Variants in GAN observed in about 807,000 individuals in gnomAD.
GAN encodes the protein epididymis secretory sperm binding protein.
In GAN, 48 loss-of-function variants were observed where a neutral mutation model predicts 71.3. The ratio of observed to expected loss-of-function variants is 0.67; its 90% CI spans 0.53 to 0.86. The LOEUF (loss-of-function observed/expected upper bound fraction) is 0.86. Ranked by LOEUF, GAN falls within the 40% of genes least tolerant of loss-of-function variation. The pLI is 0.00. For synonymous variants in GAN, 386 were observed against 276.8 expected, an observed-to-expected ratio of 1.39 and a Z score of -3.92; for missense variants, 928 against 770.1, an observed-to-expected ratio of 1.21 and a Z score of -2.43.
At chr16:81,346,807 C>G (rs962439462) in intron 1 of GAN, among the ~76,000 whole-genome samples, 2 of 152,220 alleles carry the variant, frequency 1.3e-5, no homozygotes, top group Non-Finnish European at 2.9e-5. Flanking sequence ...GGAGAGAAGA[C>G]TGCCTGGCAG....
intron 9 of GAN, among the ~76,000 whole-genome samples, chr16:81,369,907 C>T (rs62046502): frequency 2.0e-5 from 3 of 152,224 alleles, no homozygotes; most frequent in Non-Finnish European, 4.4e-5. Flanking sequence ...AGAAAGTTTT[C>T]ATAAACTTAA....
chr16:81,365,432 G>A lies in GAN; in HGVS notation c.1456G>A (p.Glu486Lys), dbSNP rs119485088. The change falls in exon 9 of 11, where the codon GAG (glutamate) becomes AAG (lysine). Residue 486 changes from glutamate to lysine, a missense_variant. Physicochemically the swap from Glu to Lys is moderately conservative, Grantham distance 56 (BLOSUM62 1). Coordinates refer to ENST00000648994, the MANE Select transcript of GAN (RefSeq NM_022041.4). ...VRSREDAQGS[E>K]MVTCKSEFYH... ...AAGTCGTGAGGACGCCCAGGGTAGCGAGATGGTAACTTGCAAGTCCGAGTT... is the reference window on the plus strand; with the variant it reads ...AAGTCGTGAGGACGCCCAGGGTAGCAAGATGGTAACTTGCAAGTCCGAGTT... 9 of 1,613,456 alleles carry A rather than the reference G, an allele frequency of 5.6e-6. No individual in the cohort carries two copies. Among genetic ancestry groups the A allele is most frequent in the Non-Finnish European group, 4.2e-6 (5 of 1,179,912 alleles).
intron 9 of GAN, 131 bp from the exon 10 acceptor site, chr16:81,377,088 G>A: frequency 1.3e-6 from 1 of 769,290 alleles, no homozygotes. Context: ...ACCTGGCAGT[G>A]GAACGTGGGG....
chr16:81,354,535 G>T lies in GAN; in HGVS notation c.413G>T (p.Arg138Leu), dbSNP rs119485092. 2 of 1,613,984 alleles carry T rather than the reference G, an allele frequency of 1.2e-6. No homozygotes were observed. The highest frequency in any genetic ancestry group is 1.3e-5 in the African/African-American group (1 of 75,014). ...CIAAENCIGIRDFALHYCLHH... is the reference protein window; with the variant it reads ...CIAAENCIGILDFALHYCLHH... ...GCTGCTGAGAACTGTATTGGTATCCGTGACTTTGCACTACATTACTGCCTC... is the reference window on the plus strand; with the variant it reads ...GCTGCTGAGAACTGTATTGGTATCCTTGACTTTGCACTACATTACTGCCTC... Residue 138 changes from arginine (R) to leucine (L), a missense_variant, in exon 3 of 11, where the codon CGT becomes CTT. Transcript: ENST00000648994.
intron 1 of GAN, among the ~76,000 whole-genome samples, chr16:81,318,770 A>C (rs886847295): frequency 9.2e-5 from 14 of 152,106 alleles, no homozygotes; most frequent in African/African-American, 3.4e-4. Flanking sequence ...AGGCCAGAAA[A>C]CTCAGCTTTG....
At chr16:81,346,274 T>C (rs2150680854) in intron 1 of GAN, among the ~76,000 whole-genome samples, 1 of 152,266 alleles carries the variant, frequency 6.6e-6, no homozygotes, top group Non-Finnish European at 1.5e-5. Flanking sequence ...CAGGAATAGA[T>C]ATATGGAGCA....
chr16:81,315,393 C>G (rs1203156849), intron 1 of GAN, 113 bp downstream of exon 1: 1 of 671,006 alleles, frequency 1.5e-6, no homozygotes, highest in East Asian at 4.2e-5. Context: ...GCGCCGGGGT[C>G]CCCGCGTCAC....
At chr16:81,365,685 A>C (rs1387819407) in intron 9 of GAN, among the ~76,000 whole-genome samples, 1 of 151,410 alleles carries the variant, frequency 6.6e-6, no homozygotes, top group African/African-American at 2.4e-5. Context: ...TCTAATATGT[A>C]GATGAGATCT....
chr16:81,368,148 C>G (rs1442560298), intron 9 of GAN, among the ~76,000 whole-genome samples: 2 of 152,144 alleles, frequency 1.3e-5, no homozygotes, highest in African/African-American at 4.8e-5. Flanking sequence ...TGAATAAAAG[C>G]AAAACTGCTT....
chr16:81,373,138 A>G (rs894609095), intron 9 of GAN, among the ~76,000 whole-genome samples: 2 of 152,214 alleles, frequency 1.3e-5, no homozygotes, highest in African/African-American at 4.8e-5. Flanking sequence ...CATTGAAATA[A>G]AAATGGTGTT....
intron 5 of GAN, 37 bp downstream of exon 5, chr16:81,357,968 T>A: frequency 6.4e-7 from 1 of 1,559,684 alleles, no homozygotes; most frequent in Non-Finnish European, 8.8e-7. Context: ...AAACAGCAGA[T>A]CAAGTAATGT....
rs1458851654 is a variant in GAN at position 81,354,674 on chromosome 16, T to G, written c.552T>G (p.Leu184=). The part of the protein sequence containing the change: ...SPQKLKEVIS[L]EKLNVGNERY... ...AAAAGCTTAAAGAAGTGATTTCTCT[T>G]GAGAAGTTAAACGTTGGCAATGAAA... Residue 184 remains leucine, a synonymous_variant, in exon 3 of 11, where the codon CTT becomes CTG. Transcript: ENST00000648994. 6.2e-7 allele frequency: 1 copy of G among 1,613,582 alleles called. No individual in the cohort carries two copies. The highest frequency in any genetic ancestry group is 8.5e-7 in the Non-Finnish European group (1 of 1,179,556).
At position 81,354,433 on chromosome 16, in the gene GAN, A is replaced by G. The variant is rs773783945; in HGVS notation, c.311A>G (p.Asp104Gly). Reference protein sequence around the residue: ...QIRLNEDTIQDVVQAADLLLL... With the variant: ...QIRLNEDTIQGVVQAADLLLL... Reference sequence around the variant, plus strand: ...AGGCTAAATGAAGATACAATCCAAGATGTTGTTCAGGCAGCTGACCTGCTG... The same window carrying G: ...AGGCTAAATGAAGATACAATCCAAGGTGTTGTTCAGGCAGCTGACCTGCTG... Residue 104 changes from aspartate to glycine, a missense_variant, in exon 3 of 11, where the codon GAT becomes GGT. Asp to Gly is a moderately conservative substitution (Grantham distance 94). Transcript: ENST00000648994. 5.0e-6 allele frequency: 8 copies of G among 1,612,614 alleles called. No homozygotes were observed. In the East Asian group the frequency reaches 8.9e-5, roughly 18 times the overall value.
rs1462019882 is a variant in GAN at position 81,383,784 on chromosome 16, G to T, written c.*6188G>T. 6.6e-6 allele frequency: 1 copy of T among 152,048 alleles called. No homozygotes were observed. Among genetic ancestry groups the T allele is most frequent in the East Asian group, 1.9e-4 (1 of 5,194 alleles). 9.4% of individuals were successfully genotyped at this position (152,048 alleles called of 1,614,324 possible). ...ACACACAGAGTCCGGGGGACACACGGCCTTAAGATGAAGTGAACGAGTAGA... is the reference window on the plus strand; with the variant it reads ...ACACACAGAGTCCGGGGGACACACGTCCTTAAGATGAAGTGAACGAGTAGA... On this transcript the variant is annotated 3_prime_UTR_variant, in exon 11 of 11. Coordinates refer to ENST00000648994, the MANE Select transcript of GAN (RefSeq NM_022041.4).
Position 81,380,781 on chromosome 16 carries a change from T to C in GAN, c.*3185T>C, listed in dbSNP as rs750989807. On this transcript the variant is annotated 3_prime_UTR_variant, in exon 11 of 11. Coordinates refer to ENST00000648994, the MANE Select transcript of GAN (RefSeq NM_022041.4). ...GTAAGTTTTACTTGGTGTTCGCGTTTCTCTTCTTCAGCAGGATTAAAAACA... is the reference window on the plus strand; with the variant it reads ...GTAAGTTTTACTTGGTGTTCGCGTTCCTCTTCTTCAGCAGGATTAAAAACA... The C allele has an allele frequency of 8.5e-5, 13 of 152,224 alleles. 1 individual carries two copies. The highest frequency in any genetic ancestry group is 4.4e-5 in the Non-Finnish European group (3 of 68,044). The allele number at this position is 152,224 out of a possible 1,614,324, so 9.4% of individuals were successfully genotyped here.
chr16:81,316,758 C>G (rs561919565), intron 1 of GAN, among the ~76,000 whole-genome samples: 2 of 152,180 alleles, frequency 1.3e-5, no homozygotes, highest in African/African-American at 4.8e-5. Context: ...TATCCTTGTT[C>G]GTTTTTCTCC....
intron 9 of GAN, among the ~76,000 whole-genome samples, chr16:81,376,794 C>T (rs1473725725): frequency 6.6e-6 from 1 of 152,044 alleles, no homozygotes; most frequent in Non-Finnish European, 1.5e-5. Context: ...GGGAGGATCA[C>T]CTGAACTGGT....
At chr16:81,329,745 C>A (rs924578746) in intron 1 of GAN, among the ~76,000 whole-genome samples, 2 of 152,166 alleles carry the variant, frequency 1.3e-5, no homozygotes, top group Non-Finnish European at 2.9e-5. Context: ...TTTTCTGGCT[C>A]TCCTCCCCAT....
At chr16:81,359,493 C>A (rs375993345) in intron 5 of GAN, among the ~76,000 whole-genome samples, 3 of 149,440 alleles carry the variant, frequency 2.0e-5, no homozygotes, top group Admixed American at 6.7e-5. Context: ...TTGGGACTTA[C>A]ATTCTTGTTA....
Sources: allele counts gnomAD v4.1 joint callset (sites outside exome capture counted in the v4.1 genomes callset), GRCh38; gene constraint gnomAD v4.1.1; transcripts MANE v1.5; gene names NCBI Gene and HGNC (gene_info 2026-07-23, HGNC 2026-07-21).